Variants in SNX30 observed in about 807,000 individuals in gnomAD.
The protein encoded by SNX30 is sorting nexin family member 30, also known as sorting nexin-30.
In SNX30, 24 loss-of-function variants were observed where a neutral mutation model predicts 46.4. The observed-to-expected ratio is 0.52, with a 90% CI of 0.37 to 0.73. The LOEUF is 0.73. Ranked by LOEUF, SNX30 falls within the 30% of genes least tolerant of loss-of-function variation. SNX30 has a pLI of 0.00. For synonymous variants in SNX30, 189 were observed against 211.5 expected (o/e 0.89, Z 0.92); for missense variants, 533 against 555.7 (o/e 0.96, Z 0.41).
chr9:112,834,235 G>A (rs1366846759), intron 4 of SNX30, among the ~76,000 whole-genome samples: 1 of 152,070 alleles, frequency 6.6e-6, no homozygotes, highest in African/African-American at 2.4e-5. Flanking sequence ...AGTTTAATTT[G>A]CACATTATTT....
intron 1 of SNX30, among the ~76,000 whole-genome samples, chr9:112,776,622 G>T (rs1161517625): frequency 6.6e-6 from 1 of 152,232 alleles, no homozygotes; most frequent in African/African-American, 2.4e-5. Flanking sequence ...GTAGCCACAC[G>T]CTCATGTCTA....
chr9:112,765,675 A>G lies in SNX30; in HGVS notation c.156+14518A>G, dbSNP rs1334681251. 3.3e-5 allele frequency among the ~76,000 whole-genome samples: 5 copies of G among 152,314 alleles called. No individual in the cohort carries two copies. In the South Asian group the frequency reaches 6.2e-4, roughly 19 times the overall value. On this transcript the variant is annotated intron_variant, in intron 1 of 8. Coordinates refer to ENST00000374232, the MANE Select transcript of SNX30 (RefSeq NM_001012994.2). ...TTGAAGTATGATTGACAAAAATTGT[A>G]TAGACTTAAGATGTACAACATGTTT... is the stretch of plus-strand genomic sequence containing the variant.
At chr9:112,804,326 A>G (rs1031089309) in intron 1 of SNX30, among the ~76,000 whole-genome samples, 12 of 152,124 alleles carry the variant, frequency 7.9e-5, no homozygotes, top group African/African-American at 2.7e-4. Context: ...CACCATGTCC[A>G]GCTAATTTTT....
At chr9:112,846,242 A>T (rs1840938712) in intron 6 of SNX30, among the ~76,000 whole-genome samples, 2 of 152,242 alleles carry the variant, frequency 1.3e-5, no homozygotes, top group Non-Finnish European at 2.9e-5. Context: ...TCAAGGAAAA[A>T]GACCAGAAGG....
At chr9:112,884,720 C>T (rs1450184771), downstream of SNX30, among the ~76,000 whole-genome samples, 5 of 152,188 alleles carry the variant, frequency 3.3e-5, no homozygotes, top group African/African-American at 1.2e-4. Context: ...CCTGCATAAG[C>T]GCTCAATCAG....
chr9:112,804,291 A>T (rs1174979755), intron 1 of SNX30, among the ~76,000 whole-genome samples: 1 of 152,044 alleles, frequency 6.6e-6, no homozygotes, highest in East Asian at 1.9e-4. Flanking sequence ...CAGCTTCCCG[A>T]GTAGCTGGGA....
Position 112,871,139 on chromosome 9 carries a change from C to T in SNX30, c.*2296C>T, listed in dbSNP as rs1212347857. The T allele has an allele frequency of 6.6e-6, 1 of 152,272 alleles. No individual in the cohort carries two copies. Among genetic ancestry groups the T allele is most frequent in the Non-Finnish European group, 1.5e-5 (1 of 68,084 alleles). 9.4% of individuals were successfully genotyped at this position (152,272 alleles called of 1,614,324 possible). ...ATTTGGGCTTGCTCTGCTTGGTCCC[C>T]ATGTGATGCCCTGTGCTGTAAGATA... On this transcript the variant is annotated 3_prime_UTR_variant, in exon 9 of 9. Transcript: ENST00000374232.
chr9:112,808,077 T>C (rs1290991828), intron 2 of SNX30, among the ~76,000 whole-genome samples: 1 of 152,218 alleles, frequency 6.6e-6, no homozygotes, highest in Non-Finnish European at 1.5e-5. Flanking sequence ...ATTTTGGTGG[T>C]GCATTCAGAG....
chr9:112,775,941 A>G (rs1434687498), intron 1 of SNX30, among the ~76,000 whole-genome samples: 1 of 152,094 alleles, frequency 6.6e-6, no homozygotes, highest in Non-Finnish European at 1.5e-5. Context: ...TAATGATTAC[A>G]TAGTATTCCA....
intron 1 of SNX30, among the ~76,000 whole-genome samples, chr9:112,760,636 G>A (rs528162909): frequency 1.3e-5 from 2 of 152,314 alleles, no homozygotes; most frequent in African/African-American, 2.4e-5. Context: ...TTCAGGATCC[G>A]ACTGTGCCAG....
intron 6 of SNX30, among the ~76,000 whole-genome samples, chr9:112,844,413 C>T (rs186863150): frequency 1.3e-5 from 2 of 152,116 alleles, no homozygotes; most frequent in East Asian, 1.9e-4. Context: ...ATTTGGGAGT[C>T]ATTAGTGTAT....
At chr9:112,798,349 A>G (rs1186231013) in intron 1 of SNX30, among the ~76,000 whole-genome samples, 34 of 38,690 alleles carry the variant, frequency 8.8e-4, no homozygotes, top group African/African-American at 3.2e-3. Flanking sequence ...TCATTGTTCA[A>G]TTCCCACCTA....
At chr9:112,879,898 G>T, downstream of SNX30, 1 of 1,367,296 alleles carries the variant, frequency 7.3e-7, no homozygotes, top group East Asian at 2.3e-5. Flanking sequence ...CAGGGTTAAT[G>T]ATAATTACAA....
chr9:112,830,544 A>G (rs1456680332), intron 3 of SNX30, among the ~76,000 whole-genome samples, 181 bp from the exon 4 acceptor site: 1 of 152,108 alleles, frequency 6.6e-6, no homozygotes, highest in East Asian at 1.9e-4. Flanking sequence ...TATAAAATTG[A>G]CAGGGTATTT....
chr9:112,871,601 A>G lies in SNX30; in HGVS notation c.*2758A>G, dbSNP rs1841446510. 1 of 151,958 alleles carries G rather than the reference A, an allele frequency of 6.6e-6. No individual in the cohort carries two copies. The highest frequency in any genetic ancestry group is 2.4e-5 in the African/African-American group (1 of 41,358). The allele number at this position is 151,958 out of a possible 1,614,324, so 9.4% of individuals were successfully genotyped here. ...TTTACTTTACCTCAAGCAGACAGAC[A>G]TAGGTTTTGAGGCTTGAATACATGG... is the stretch of plus-strand genomic sequence containing the variant. On this transcript the variant is annotated 3_prime_UTR_variant, in exon 9 of 9. Transcript: ENST00000374232.
chr9:112,865,008 C>CACACAT (rs1554757253), intron 8 of SNX30, among the ~76,000 whole-genome samples: 72 of 148,402 alleles, frequency 4.9e-4, no homozygotes, highest in South Asian at 8.4e-4. Context: ...CACACACCCA[C>CACACAT]ACACCCCACT....
At position 112,835,980 on chromosome 9, in the gene SNX30, T is replaced by C. The variant is rs1241535365; in HGVS notation, c.619-234T>C. ...TCAGGTGAGTGAATTTGATTAAGGATTGGCGTTCAGCTCTGCTGAAAGGGA... is the reference window on the plus strand; with the variant it reads ...TCAGGTGAGTGAATTTGATTAAGGACTGGCGTTCAGCTCTGCTGAAAGGGA... On this transcript the variant is annotated intron_variant, in intron 4 of 8. Coordinates refer to ENST00000374232, the MANE Select transcript of SNX30 (RefSeq NM_001012994.2). Among the ~76,000 whole-genome samples, 3 of 152,272 alleles carry C rather than the reference T, an allele frequency of 2.0e-5. 1 individual carries two copies. In the South Asian group the frequency reaches 6.2e-4, roughly 32 times the overall value.
At chr9:112,860,299 T>C (rs2131499144) in intron 7 of SNX30, among the ~76,000 whole-genome samples, 1 of 152,386 alleles carries the variant, frequency 6.6e-6, no homozygotes, top group East Asian at 1.9e-4. Flanking sequence ...TTTTTAAATT[T>C]GGTTGTGTAT....
At position 112,852,341 on chromosome 9, in the gene SNX30, A is replaced by AT. The variant is rs1002077069; in HGVS notation, c.1101+1397dup. 7.8e-4 allele frequency among the ~76,000 whole-genome samples: 118 copies of AT among 152,226 alleles called. 1 individual carries two copies. Among genetic ancestry groups the AT allele is most frequent in the African/African-American group, 2.5e-3 (103 of 41,530 alleles). On this transcript the variant is annotated intron_variant, in intron 7 of 8. Transcript: ENST00000374232. ...TGTAACAATGATTTACAAGGTATTTATGTTGTATTAGGTATTATAAGTAAT... is the reference window on the plus strand; with the variant it reads ...TGTAACAATGATTTACAAGGTATTTATTGTTGTATTAGGTATTATAAGTAAT...
Sources: gnomAD v4.1 joint callset for allele counts (sites outside exome capture counted in the v4.1 genomes callset) on GRCh38, gnomAD v4.1.1 for gene constraint, MANE v1.5 for transcripts, NCBI Gene and HGNC (gene_info 2026-07-23, HGNC 2026-07-21) for gene names.